PDGFD: variants seen among roughly 807,000 people sequenced by gnomAD.
PDGFD encodes the protein platelet derived growth factor D.
Under a neutral mutation model 44.7 loss-of-function variants are expected in PDGFD, and 30 were observed. The ratio of observed to expected loss-of-function variants is 0.67; its 90% CI spans 0.50 to 0.91. The LOEUF is 0.91. Among genes scored for constraint, PDGFD ranks in the 40% least tolerant of loss-of-function variants. PDGFD has a pLI of 0.00. For synonymous variants in PDGFD, 173 were observed against 168.4 expected (o/e 1.03, Z -0.21); for missense variants, 445 against 457.8 (o/e 0.97, Z 0.25).
chr11:104,047,463 G>A (rs140451151), intron 1 of PDGFD, among the ~76,000 whole-genome samples: 4,088 of 147,042 alleles, frequency 0.028, 487 homozygotes, highest in Middle Eastern at 0.035. Flanking sequence ...ACTCATTGTG[G>A]TTTTGATTTG....
intron 1 of PDGFD, among the ~76,000 whole-genome samples, chr11:104,064,609 C>CA (rs909848582): frequency 1.3e-5 from 2 of 151,098 alleles, no homozygotes; most frequent in South Asian, 2.1e-4. Flanking sequence ...GTAAAACTGG[C>CA]AAAAAAATAA....
intron 1 of PDGFD, among the ~76,000 whole-genome samples, chr11:104,034,096 C>T (rs558978224): frequency 6.6e-5 from 10 of 152,186 alleles, no homozygotes; most frequent in Non-Finnish European, 1.3e-4. Flanking sequence ...TGTCATCTTT[C>T]TAAACCCAGT....
chr11:103,918,793 C>G (rs1858164296), intron 6 of PDGFD, among the ~76,000 whole-genome samples: 1 of 152,046 alleles, frequency 6.6e-6, no homozygotes, highest in African/African-American at 2.4e-5. Context: ...ATGTAATAGT[C>G]TTAGGTTCAG....
chr11:104,129,553 G>A (rs1454283575), intron 1 of PDGFD, among the ~76,000 whole-genome samples: 1 of 152,152 alleles, frequency 6.6e-6, no homozygotes, highest in Non-Finnish European at 1.5e-5. Flanking sequence ...TGGTTGCAGG[G>A]AGCATTGTGC....
intron 4 of PDGFD, 81 bp downstream of exon 4, chr11:103,947,581 A>G (rs1434560677): frequency 4.9e-6 from 5 of 1,030,684 alleles, no homozygotes; most frequent in Non-Finnish European, 7.7e-6. Context: ...CAGGTCCTTA[A>G]TGCAGGTGAA....
intron 1 of PDGFD, among the ~76,000 whole-genome samples, chr11:104,150,730 G>C (rs922375354): frequency 6.6e-6 from 1 of 152,026 alleles, no homozygotes; most frequent in African/African-American, 2.4e-5. Flanking sequence ...CTGCCTCTGT[G>C]GTCACATAGC....
chr11:103,916,251 A>G (rs566902465), intron 6 of PDGFD, among the ~76,000 whole-genome samples: 2 of 152,354 alleles, frequency 1.3e-5, no homozygotes, highest in South Asian at 4.1e-4. Context: ...ACAAGAAAAA[A>G]ACAACCCCGT....
intron 3 of PDGFD, among the ~76,000 whole-genome samples, chr11:103,952,661 G>C (rs546577661): frequency 9.2e-5 from 14 of 152,146 alleles, no homozygotes; most frequent in African/African-American, 3.1e-4. Flanking sequence ...TAGCTATTGT[G>C]CATCTCTTAG....
At chr11:104,002,456 G>T (rs1010847053) in intron 1 of PDGFD, among the ~76,000 whole-genome samples, 2 of 152,146 alleles carry the variant, frequency 1.3e-5, no homozygotes, top group Non-Finnish European at 2.9e-5. Flanking sequence ...TGTAAAAGGT[G>T]CCTTGCTTCC....
intron 3 of PDGFD, among the ~76,000 whole-genome samples, chr11:103,983,917 A>G (rs1365505674): frequency 2.0e-5 from 3 of 151,764 alleles, no homozygotes; most frequent in African/African-American, 4.9e-5. Context: ...GATGCTGGCA[A>G]GGTCGTGGAG....
chr11:104,163,409 G>T (rs1591193903), intron 1 of PDGFD, among the ~76,000 whole-genome samples: 1 of 152,306 alleles, frequency 6.6e-6, no homozygotes, highest in Admixed American at 6.5e-5. Flanking sequence ...CCCAGGGAAA[G>T]CTACTCTTGA....
intron 1 of PDGFD, among the ~76,000 whole-genome samples, chr11:104,130,267 T>C (rs1167509019): frequency 3.3e-5 from 5 of 152,030 alleles, no homozygotes; most frequent in Non-Finnish European, 7.4e-5. Flanking sequence ...TCAAGTGAAG[T>C]CTAATGCAAC....
intron 1 of PDGFD, among the ~76,000 whole-genome samples, chr11:104,111,654 C>G (rs565647046): frequency 6.6e-6 from 1 of 152,006 alleles, no homozygotes. Context: ...GAAACTCAAA[C>G]TAGGAAAAAA....
At chr11:103,937,369 A>C (rs1166353928) in intron 5 of PDGFD, among the ~76,000 whole-genome samples, 3 of 152,106 alleles carry the variant, frequency 2.0e-5, no homozygotes, top group Non-Finnish European at 4.4e-5. Context: ...GTTCTCCTGG[A>C]ATAAGAAAAA....
intron 1 of PDGFD, among the ~76,000 whole-genome samples, chr11:104,012,719 T>C (rs935134517): frequency 6.6e-6 from 1 of 152,246 alleles, no homozygotes; most frequent in African/African-American, 2.4e-5. Flanking sequence ...TATTTTTTGT[T>C]CATGCTACAT....
chr11:104,072,158 T>C (rs991844889), intron 1 of PDGFD, among the ~76,000 whole-genome samples: 4 of 151,916 alleles, frequency 2.6e-5, no homozygotes, highest in African/African-American at 9.7e-5. Flanking sequence ...TCTTTACATT[T>C]ATAAAATACA....
At chr11:104,064,705 A>G (rs954382210) in intron 1 of PDGFD, among the ~76,000 whole-genome samples, 2 of 152,218 alleles carry the variant, frequency 1.3e-5, no homozygotes, top group Admixed American at 1.3e-4. Context: ...CTCTGGAACA[A>G]TGGCTATGTT....
chr11:104,108,693 A>G (rs1861503841), intron 1 of PDGFD, among the ~76,000 whole-genome samples: 2 of 152,178 alleles, frequency 1.3e-5, no homozygotes, highest in South Asian at 4.1e-4. Flanking sequence ...CAGCCATTCC[A>G]TTACTGGGTA....
chr11:104,096,068 A>G (rs904651835), intron 1 of PDGFD, among the ~76,000 whole-genome samples: 4 of 152,192 alleles, frequency 2.6e-5, no homozygotes, highest in Admixed American at 1.3e-4. Context: ...AGAATCTGGT[A>G]TTAAGTTCTG....
Sources: allele counts gnomAD v4.1 joint callset (sites outside exome capture counted in the v4.1 genomes callset), GRCh38; gene constraint gnomAD v4.1.1; transcripts MANE v1.5; gene names NCBI Gene and HGNC (gene_info 2026-07-23, HGNC 2026-07-21).